Variants in FRMPD2 observed in about 807,000 individuals in gnomAD.
FRMPD2 encodes FERM and PDZ domain-containing protein 2.
Under a neutral mutation model 140.1 loss-of-function variants are expected in FRMPD2, and 96 were observed. The ratio of observed to expected loss-of-function variants is 0.69; its 90% CI spans 0.58 to 0.81. FRMPD2 has a LOEUF of 0.81. Among genes scored for constraint, FRMPD2 ranks in the 40% least tolerant of loss-of-function variants. The probability of loss-of-function intolerance (pLI) is 0.00; values close to 1 mark genes in which losing one functional copy is unlikely to be tolerated. For missense variants in FRMPD2, 1,240 were observed against 1,447.4 expected (o/e 0.86, Z 2.32); for synonymous variants, 449 against 547.6 (o/e 0.82, Z 2.52).
rs1838364210 is a variant in FRMPD2, at chr10:48,174,853, A to G, written c.3075+17T>C. On this transcript the variant is annotated intron_variant, in intron 24 of 28. Transcript: ENST00000374201. ...GTTCCGGAAGGAGGGGAAGCTGGTC[A>G]GCAACAGTCCACTCACCTGCCCAGG... 2 of 621,370 alleles carry G rather than the reference A, an allele frequency of 3.2e-6. No homozygotes were observed. The highest frequency in any genetic ancestry group is 5.5e-5 in the East Asian group (2 of 36,206). 38.5% of individuals were successfully genotyped at this position (621,370 alleles called of 1,614,324 possible).
intron 10 of FRMPD2, 127 bp from the exon 11 acceptor site, chr10:48,223,397 A>T (rs972334895): frequency 6.3e-6 from 5 of 799,160 alleles, no homozygotes; most frequent in African/African-American, 5.1e-5. Flanking sequence ...GTGGGAGGTA[A>T]GTCTTTGCGT....
intron 9 of FRMPD2, among the ~76,000 whole-genome samples, chr10:48,235,549 G>T (rs1184269746): frequency 6.6e-6 from 1 of 152,208 alleles, no homozygotes; most frequent in Admixed American, 6.5e-5. Flanking sequence ...GCTCTTCAGG[G>T]CAGGAAGGAC....
intron 12 of FRMPD2, among the ~76,000 whole-genome samples, chr10:48,216,302 A>AGATAGATG (rs1554795990): frequency 1.3e-5 from 2 of 150,718 alleles, no homozygotes; most frequent in African/African-American, 4.9e-5. Flanking sequence ...ATAGATAGAT[A>AGATAGATG]GATAGATAGA....
intron 28 of FRMPD2, among the ~76,000 whole-genome samples, chr10:48,160,287 G>A (rs1308323159): frequency 6.6e-6 from 1 of 151,660 alleles, no homozygotes; most frequent in African/African-American, 2.4e-5. Flanking sequence ...AGAGAACAGG[G>A]AAAGAAAGTG....
chr10:48,167,720 A>G (rs1258042435), intron 27 of FRMPD2, among the ~76,000 whole-genome samples: 1 of 151,964 alleles, frequency 6.6e-6, no homozygotes, highest in African/African-American at 2.4e-5. Flanking sequence ...GCCATGGTAC[A>G]CAGATAGGCG....
Position 48,192,908 on chromosome 10 carries a change from G to A in FRMPD2, c.1955-14C>T, listed in dbSNP as rs1161342892. 23 of 1,588,642 alleles carry A rather than the reference G, an allele frequency of 1.4e-5. No individual in the cohort carries two copies. Among genetic ancestry groups the A allele is most frequent in the Non-Finnish European group, 1.9e-5 (22 of 1,159,350 alleles). ...ACTTATCATGGTCTGAATTTGGGGA[G>A]AAAAACATAGACATACACACACACA... On this transcript the variant is annotated splice_polypyrimidine_tract_variant and intron_variant, in intron 15 of 28. Coordinates refer to ENST00000374201, the MANE Select transcript of FRMPD2 (RefSeq NM_001018071.4).
chr10:48,161,280 C>T (rs1342099746), intron 28 of FRMPD2, among the ~76,000 whole-genome samples: 2 of 150,036 alleles, frequency 1.3e-5, no homozygotes, highest in African/African-American at 4.9e-5. Context: ...AGGAGCAGTC[C>T]CTCCAAGAAT....
At chr10:48,267,922 A>T (rs1170412535) in intron 1 of FRMPD2, among the ~76,000 whole-genome samples, 1 of 152,242 alleles carries the variant, frequency 6.6e-6, no homozygotes, top group East Asian at 1.9e-4. Context: ...AATTCCATTT[A>T]TATGAAATAT....
chr10:48,242,325 A>G lies in FRMPD2; in HGVS notation c.403T>C (p.Ser135Pro). ...TCTTCACACATGGTCAGCAGGATGGAGTGCAGGGGCTCGCAGAGCTGCAGG... is the reference window on the plus strand; with the variant it reads ...TCTTCACACATGGTCAGCAGGATGGGGTGCAGGGGCTCGCAGAGCTGCAGG... Reference protein sequence around the residue: ...QPLQLCEPLHSILLTMCEDQP... With the variant: ...QPLQLCEPLHPILLTMCEDQP... Residue 135 changes from serine to proline, a missense_variant, in exon 5 of 29, where the codon TCC becomes CCC. By Grantham distance (74) the Ser-to-Pro change is moderately conservative. This residue lies in a region of FRMPD2 where 1,161 missense variants were observed against 1,055.9 expected (regional missense o/e 1.10). Transcript: ENST00000374201. 6.2e-7 allele frequency: 1 copy of G among 1,613,824 alleles called. No individual in the cohort carries two copies. Among genetic ancestry groups the G allele is most frequent in the Non-Finnish European group, 8.5e-7 (1 of 1,179,800 alleles).
intron 1 of FRMPD2, among the ~76,000 whole-genome samples, chr10:48,261,652 A>C (rs1360874868): frequency 1.3e-5 from 2 of 152,174 alleles, no homozygotes; most frequent in East Asian, 3.8e-4. Flanking sequence ...AGAAATTTTA[A>C]AAGTTCTTCA....
intron 28 of FRMPD2, among the ~76,000 whole-genome samples, chr10:48,161,927 A>G (rs1348460594): frequency 6.7e-6 from 1 of 150,174 alleles, no homozygotes; most frequent in African/African-American, 2.5e-5. Flanking sequence ...CCCAGCTTGT[A>G]CCTATACCCA....
chr10:48,231,510 T>G (rs1216811114), intron 10 of FRMPD2, among the ~76,000 whole-genome samples: 1 of 152,190 alleles, frequency 6.6e-6, no homozygotes, highest in Non-Finnish European at 1.5e-5. Flanking sequence ...ACAACTCACA[T>G]GTACTTCTCT....
intron 3 of FRMPD2, 161 bp downstream of exon 3, chr10:48,248,860 T>A: frequency 3.8e-6 from 2 of 525,354 alleles, no homozygotes; most frequent in Non-Finnish European, 6.5e-6. Flanking sequence ...TAGTAAGTTG[T>A]TGACAAGAAA....
intron 2 of FRMPD2, among the ~76,000 whole-genome samples, chr10:48,249,678 T>G (rs1157844598): frequency 1.3e-5 from 2 of 152,202 alleles, no homozygotes; most frequent in Non-Finnish European, 2.9e-5. Context: ...CTCTGCTGTA[T>G]GCACTGAAGC....
At position 48,159,725 on chromosome 10, in the gene FRMPD2, A is replaced by G. The variant is rs1194380886; in HGVS notation, c.3882-2355T>C. The stretch of plus-strand genomic sequence containing the variant: ...TCAAGATTTATACCATCACTTTCAC[A>G]AAGTGATGCTTGTTGAACTTACGTG... On this transcript the variant is annotated intron_variant, in intron 28 of 28. Coordinates refer to ENST00000374201, the MANE Select transcript of FRMPD2 (RefSeq NM_001018071.4). Among the ~76,000 whole-genome samples, 3 of 151,636 alleles carry G rather than the reference A, an allele frequency of 2.0e-5. 1 individual carries two copies. The highest frequency in any genetic ancestry group is 7.3e-5 in the African/African-American group (3 of 41,186).
In FRMPD2 at chr10:48,227,110, T is replaced by A. The variant is rs143901909; in HGVS notation, c.1169-3840A>T. Among the ~76,000 whole-genome samples the A allele has an allele frequency of 3.4e-3, 517 of 152,284 alleles. 7 individuals carry two copies. Among genetic ancestry groups the A allele is most frequent in the African/African-American group, 0.011 (462 of 41,552 alleles). ...CCTAGCTAAGAGAAGAAGGTAAAAA[T>A]TTTTTCTTGTCCCTTCTTTTCTAAA... On this transcript the variant is annotated intron_variant, in intron 10 of 28. Coordinates refer to ENST00000374201, the MANE Select transcript of FRMPD2 (RefSeq NM_001018071.4).
intron 12 of FRMPD2, among the ~76,000 whole-genome samples, chr10:48,213,843 G>T (rs935615012): frequency 6.6e-6 from 1 of 152,130 alleles, no homozygotes; most frequent in African/African-American, 2.4e-5. Flanking sequence ...GAGCACAGAG[G>T]ATTTTTAGGG....
chr10:48,193,191 GCGGGTGTGTCGGGCTCCGGC>G (rs1838877733), intron 15 of FRMPD2, among the ~76,000 whole-genome samples: 1 of 152,208 alleles, frequency 6.6e-6, no homozygotes, highest in African/African-American at 2.4e-5. Context: ...TAGAGTATTT[GCGGGTGTGTCGGGCTCCGGC>G]CGAGCCTCCT....
At chr10:48,200,868 A>G (rs1057004336) in intron 15 of FRMPD2, among the ~76,000 whole-genome samples, 3 of 152,226 alleles carry the variant, frequency 2.0e-5, no homozygotes, top group Non-Finnish European at 4.4e-5. Flanking sequence ...ATGACACCCT[A>G]GTAGACATCC....
Sources: gnomAD v4.1 joint callset for allele counts (sites outside exome capture counted in the v4.1 genomes callset) on GRCh38, gnomAD v4.1.1 for gene constraint, gnomAD v4.1.1 regional missense constraint, MANE v1.5 for transcripts, NCBI Gene and HGNC (gene_info 2026-07-23, HGNC 2026-07-21) for gene names.